LRIG3: variants seen among roughly 807,000 people sequenced by gnomAD.
The protein encoded by LRIG3 is leucine rich repeats and immunoglobulin like domains 3.
A neutral mutation model predicts 114.5 loss-of-function variants in LRIG3; 76 were observed. The ratio of observed to expected loss-of-function variants is 0.66; its 90% confidence interval spans 0.55 to 0.80. The LOEUF is 0.80. Ranked by LOEUF, LRIG3 falls within the 30% of genes least tolerant of loss-of-function variation. LRIG3 has a pLI of 0.00. For missense variants in LRIG3, 1,239 were observed against 1,382.8 expected (o/e 0.90, Z 1.65); for synonymous variants, 512 against 519.8 (o/e 0.98, Z 0.20).
At position 58,888,836 on chromosome 12, in the gene LRIG3, C is replaced by T; in HGVS notation, c.786G>A (p.Leu262=). ...TKLMDGAFWG[L]SNMEILQLDH... is the part of the protein sequence containing the mutation. ...ACACTTACAAAATTTCCATGTTGCT[C>T]AGCCCCCAAAAAGCTCCATCCATAA... is the stretch of plus-strand genomic sequence containing the variant. Residue 262 remains leucine (L), a synonymous_variant, in exon 6 of 19, where the codon CTG becomes CTA. Coordinates refer to ENST00000320743, the MANE Select transcript of LRIG3 (RefSeq NM_153377.5). 1 of 1,613,678 alleles carries T rather than the reference C, an allele frequency of 6.2e-7. No individual in the cohort carries two copies. Among genetic ancestry groups the T allele is most frequent in the South Asian group, 1.1e-5 (1 of 91,034 alleles).
At chr12:58,883,392 G>T in intron 11 of LRIG3, 128 bp downstream of exon 11, 1 of 573,792 alleles carries the variant, frequency 1.7e-6, no homozygotes, top group Non-Finnish European at 2.8e-6. Flanking sequence ...CTGTTGCCTA[G>T]TATAAAAATT....
chr12:58,876,335 G>T, intron 16 of LRIG3, 110 bp downstream of exon 16: 2 of 1,187,638 alleles, frequency 1.7e-6, no homozygotes, highest in Non-Finnish European at 1.2e-6. Context: ...TCTTGGGCCA[G>T]GTCCTAAATG....
intron 3 of LRIG3, 197 bp downstream of exon 3, chr12:58,913,785 A>G (rs944047622): frequency 7.3e-6 from 4 of 549,800 alleles, no homozygotes; most frequent in East Asian, 6.0e-5. Context: ...GTGTGTTGTT[A>G]TAAGAATACA....
chr12:58,906,218 A>G (rs1184372500), intron 3 of LRIG3, among the ~76,000 whole-genome samples: 1 of 152,200 alleles, frequency 6.6e-6, no homozygotes, highest in Non-Finnish European at 1.5e-5. Flanking sequence ...CAACTTCCAT[A>G]ATTAATATGA....
chr12:58,890,491 A>C (rs571454907), intron 4 of LRIG3, among the ~76,000 whole-genome samples, 174 bp downstream of exon 4: 21 of 152,340 alleles, frequency 1.4e-4, no homozygotes, highest in Admixed American at 1.2e-3. Context: ...GTAATCTAAA[A>C]GTGTAAGAAT....
In LRIG3 at chr12:58,906,625, C is replaced by G. The variant is rs568434678; in HGVS notation, c.383+7357G>C. Among the ~76,000 whole-genome samples the G allele has an allele frequency of 2.0e-5, 3 of 152,150 alleles. No homozygotes were observed. The East Asian group carries it at 5.8e-4, about 29-fold the overall frequency. ...GAATATTGCAGATCTGATTTGTGAT[C>G]ACTATGGCCAACTCTACCCTATTCA... On this transcript the variant is annotated intron_variant, in intron 3 of 18. Coordinates refer to ENST00000320743, the MANE Select transcript of LRIG3 (RefSeq NM_153377.5).
intron 3 of LRIG3, among the ~76,000 whole-genome samples, chr12:58,911,692 TAAG>T (rs1459717791): frequency 6.6e-6 from 1 of 152,196 alleles, no homozygotes; most frequent in Admixed American, 6.5e-5. Flanking sequence ...GAAAAGCATT[TAAG>T]AACTCATTTT....
At chr12:58,909,143 C>T (rs1036177573) in intron 3 of LRIG3, among the ~76,000 whole-genome samples, 1 of 152,118 alleles carries the variant, frequency 6.6e-6, no homozygotes, top group Non-Finnish European at 1.5e-5. Flanking sequence ...CACATGCTTC[C>T]GACACCTCTT....
rs371707507 is a variant in LRIG3, at chr12:58,914,340, T to C, written c.237-4A>G. On this transcript the variant is annotated splice_polypyrimidine_tract_variant and splice_region_variant and intron_variant, in intron 1 of 18. Transcript: ENST00000320743. ...TAATCTGTTGTGACTTAAGTCCCTA[T>C]AAGAAAACAAAAATAAAATTATAAG... 89 of 1,609,796 alleles carry C rather than the reference T, an allele frequency of 5.5e-5. No individual in the cohort carries two copies. The highest frequency in any genetic ancestry group is 8.4e-5 in the Admixed American group (5 of 59,824).
intron 3 of LRIG3, among the ~76,000 whole-genome samples, chr12:58,911,539 A>G (rs538167389): frequency 3.3e-4 from 51 of 152,334 alleles, no homozygotes; most frequent in Non-Finnish European, 5.9e-4. Context: ...GATACAAACA[A>G]AAAACAACCA....
At chr12:58,909,454 C>A (rs971790322) in intron 3 of LRIG3, among the ~76,000 whole-genome samples, 1 of 152,128 alleles carries the variant, frequency 6.6e-6, no homozygotes, top group Non-Finnish European at 1.5e-5. Flanking sequence ...TTTCTCTCCT[C>A]ACTAGAATGG....
At chr12:58,887,003 C>T in intron 8 of LRIG3, 113 bp from the exon 9 acceptor site, 1 of 663,918 alleles carries the variant, frequency 1.5e-6, no homozygotes, top group Non-Finnish European at 2.6e-6. Flanking sequence ...ACATTATCTC[C>T]ACCTCTCTCA....
At position 58,876,431 on chromosome 12, in the gene LRIG3, T is replaced by G; in HGVS notation, c.2695+14A>C. ...TCAAAACAATTACAGCCCACATTCA[T>G]TTTAAACACTTACCACTACTGTCAT... On this transcript the variant is annotated intron_variant, in intron 16 of 18. Coordinates refer to ENST00000320743, the MANE Select transcript of LRIG3 (RefSeq NM_153377.5). 6.2e-7 allele frequency: 1 copy of G among 1,612,866 alleles called. No individual in the cohort carries two copies.
intron 13 of LRIG3, among the ~76,000 whole-genome samples, chr12:58,880,151 C>T (rs941998036): frequency 5.3e-5 from 8 of 151,922 alleles, no homozygotes; most frequent in African/African-American, 1.9e-4. Flanking sequence ...AAAAAATTGG[C>T]CGGGCATGGT....
At chr12:58,909,452 C>T (rs1375708712) in intron 3 of LRIG3, among the ~76,000 whole-genome samples, 1 of 152,050 alleles carries the variant, frequency 6.6e-6, no homozygotes, top group African/African-American at 2.4e-5. Flanking sequence ...TTTTTCTCTC[C>T]TCACTAGAAT....
At position 58,920,188 on chromosome 12, in the gene LRIG3, C is replaced by T. The variant is rs374441498; in HGVS notation, c.48G>A (p.Leu16=). Residue 16 remains leucine, a synonymous_variant, in exon 1 of 19, where the codon CTG becomes CTA. Transcript: ENST00000320743. The stretch of plus-strand genomic sequence containing the variant: ...CAGCGCGCCCCAGCACCGCGCACAG[C>T]AGCAGCCCCAACCCCGCGGCGCGCG... The part of the protein sequence containing the change: ...LRARAAGLGL[L]LCAVLGRAGR... 2.6e-4 allele frequency: 386 copies of T among 1,499,392 alleles called. No individual in the cohort carries two copies. Among genetic ancestry groups the T allele is most frequent in the Non-Finnish European group, 3.2e-4 (359 of 1,130,930 alleles). 92.9% of individuals were successfully genotyped at this position (1,499,392 alleles called of 1,614,324 possible). A position where few individuals can be genotyped will look rare whatever the true frequency, so the allele number is the denominator to read the frequency against.
At position 58,878,987 on chromosome 12, in the gene LRIG3, C is replaced by CCCA; in HGVS notation, c.1917_1919dup (p.Gly641dup). On this transcript the variant is annotated inframe_insertion, in exon 14 of 19. Transcript: ENST00000320743. Reference sequence around the variant, plus strand: ...CCCGTGCAGCTGGGAAGTCTGTGCCCCCATCCTTCTGCCAGGCTATCTGGG... The same window carrying CCCA: ...CCCGTGCAGCTGGGAAGTCTGTGCCCCCACCATCCTTCTGCCAGGCTATCTGGG... 6.2e-7 allele frequency: 1 copy of CCCA among 1,614,194 alleles called. No homozygotes were observed. The highest frequency in any genetic ancestry group is 1.3e-5 in the African/African-American group (1 of 75,050).
intron 3 of LRIG3, among the ~76,000 whole-genome samples, chr12:58,898,301 G>A (rs1204705190): frequency 6.6e-6 from 1 of 152,144 alleles, no homozygotes; most frequent in Non-Finnish European, 1.5e-5. Flanking sequence ...TAAACAGAGG[G>A]AAATGAAATG....
chr12:58,920,139 C>G lies in LRIG3; in HGVS notation c.97G>C (p.Gly33Arg). 6.5e-7 allele frequency: 1 copy of G among 1,543,980 alleles called. No individual in the cohort carries two copies. Among genetic ancestry groups the G allele is most frequent in the Non-Finnish European group, 8.7e-7 (1 of 1,146,344 alleles). The part of the protein sequence containing the change: ...RAGRSDSGGR[G>R]ELGQPSGVAA... ...ACCCCAGAGGGCTGCCCGAGTTCCC[C>G]GCGACCGCCGCTGTCTGACCGGCCA... Residue 33 changes from glycine (G) to arginine (R), a missense_variant, in exon 1 of 19, where the codon GGG becomes CGG. Gly to Arg is a moderately radical substitution (Grantham distance 125). Transcript: ENST00000320743.
Sources: gnomAD v4.1 joint callset for allele counts (sites outside exome capture counted in the v4.1 genomes callset) on GRCh38, gnomAD v4.1.1 for gene constraint, MANE v1.5 for transcripts, NCBI Gene and HGNC (gene_info 2026-07-23, HGNC 2026-07-21) for gene names.